Variants in HMMR observed in about 807,000 individuals in gnomAD.
The protein encoded by HMMR is hyaluronan mediated motility receptor.
A neutral mutation model predicts 101.0 loss-of-function variants in HMMR; 108 were observed. The ratio of observed to expected loss-of-function variants is 1.07; its 90% CI spans 0.92 to 1.25. The LOEUF (loss-of-function observed/expected upper bound fraction) is 1.25. Among genes scored for constraint, HMMR ranks in the 50% most tolerant of loss-of-function variants. HMMR has a pLI of 0.00. For synonymous variants in HMMR, 296 were observed against 276.4 expected (o/e 1.07, Z -0.70); for missense variants, 813 against 788.7 (o/e 1.03, Z -0.37).
At chr5:163,489,694 C>G (rs762301909) in intron 16 of HMMR, among the ~76,000 whole-genome samples, 8 of 152,144 alleles carry the variant, frequency 5.3e-5, no homozygotes, top group Non-Finnish European at 8.8e-5. Context: ...AGCCCCTGTT[C>G]CATGAATGGG....
intron 2 of HMMR, 94 bp from the exon 3 acceptor site, chr5:163,464,626 CAAA>C: frequency 1.2e-6 from 1 of 838,472 alleles, no homozygotes. Flanking sequence ...CAAAAACAAA[CAAA>C]AAGAGAAAGA....
chr5:163,479,226 T>A (rs1207503187), intron 12 of HMMR, among the ~76,000 whole-genome samples: 2 of 152,226 alleles, frequency 1.3e-5, no homozygotes, highest in East Asian at 1.9e-4. Context: ...TTTATACTCA[T>A]CCTATCTTCC....
intron 3 of HMMR, among the ~76,000 whole-genome samples, chr5:163,466,056 G>A (rs1006173360): frequency 1.3e-5 from 2 of 151,500 alleles, no homozygotes; most frequent in African/African-American, 2.4e-5. Context: ...TTGAGGTCAA[G>A]AGTTCGAGAC....
chr5:163,462,291 G>A (rs1252425019), intron 1 of HMMR, among the ~76,000 whole-genome samples: 1 of 151,300 alleles, frequency 6.6e-6, no homozygotes, highest in Non-Finnish European at 1.5e-5. Context: ...GATGCTTAAT[G>A]TGTATGAGGC....
intron 5 of HMMR, 61 bp downstream of exon 5, chr5:163,469,890 G>A (rs998803475): frequency 1.7e-5 from 20 of 1,180,320 alleles, no homozygotes; most frequent in African/African-American, 6.2e-5. Flanking sequence ...TTTTAGGGCC[G>A]GGCACGGTGG....
chr5:163,474,963 A>G (rs892458692), intron 10 of HMMR, among the ~76,000 whole-genome samples: 15 of 152,092 alleles, frequency 9.9e-5, no homozygotes, highest in Admixed American at 9.8e-4. Flanking sequence ...GAAGGCATAT[A>G]TATTCCAAAC....
chr5:163,475,010 G>T (rs761290118), intron 10 of HMMR, among the ~76,000 whole-genome samples: 16 of 152,120 alleles, frequency 1.1e-4, no homozygotes, highest in Non-Finnish European at 1.8e-4. Context: ...CTAAAATTAG[G>T]GGGGGAAGTC....
Position 163,473,564 on chromosome 5 carries a change from C to T in HMMR, c.904+7C>T. 6.5e-7 allele frequency: 1 copy of T among 1,535,516 alleles called. No individual in the cohort carries two copies. The highest frequency in any genetic ancestry group is 8.9e-7 in the Non-Finnish European group (1 of 1,129,196). On this transcript the variant is annotated splice_region_variant and intron_variant, in intron 9 of 17. Coordinates refer to ENST00000393915, the MANE Select transcript of HMMR (RefSeq NM_001142556.2). ...CTGCTTGAAAAAGAAAAAGGTATTA[C>T]AGTGTTTTATAGTTACTTTGTTTAG... is the stretch of plus-strand genomic sequence containing the variant.
intron 1 of HMMR, among the ~76,000 whole-genome samples, chr5:163,462,412 T>C (rs553473280): frequency 3.0e-4 from 46 of 151,400 alleles, no homozygotes; most frequent in African/African-American, 1.1e-3. Flanking sequence ...CAACCTAAGA[T>C]GTATTTTTAT....
intron 3 of HMMR, chr5:163,465,210 G>A (rs1758658548): frequency 5.7e-6 from 1 of 176,922 alleles, no homozygotes; most frequent in Non-Finnish European, 1.2e-5. Context: ...GTTTGCTACT[G>A]AGAAACTGTT....
chr5:163,469,509 C>T, intron 4 of HMMR, 132 bp from the exon 5 acceptor site: 1 of 686,612 alleles, frequency 1.5e-6, no homozygotes, highest in Non-Finnish European at 2.5e-6. Context: ...TAGCTAGTAA[C>T]ATTAGAATAT....
At chr5:163,471,797 G>C (rs947820794) in intron 7 of HMMR, among the ~76,000 whole-genome samples, 1 of 152,086 alleles carries the variant, frequency 6.6e-6, no homozygotes, top group Non-Finnish European at 1.5e-5. Context: ...CCTAGCCTTT[G>C]ATTTTGAGCT....
intron 12 of HMMR, among the ~76,000 whole-genome samples, chr5:163,481,119 T>C (rs1638600218): frequency 6.6e-6 from 1 of 152,070 alleles, no homozygotes; most frequent in Non-Finnish European, 1.5e-5. Context: ...TCATTTTTTG[T>C]TTTCCCTATG....
At chr5:163,475,260 G>C (rs896086466) in intron 10 of HMMR, among the ~76,000 whole-genome samples, 198 bp from the exon 11 acceptor site, 2 of 152,006 alleles carry the variant, frequency 1.3e-5, no homozygotes, top group African/African-American at 4.8e-5. Flanking sequence ...AAAAGCCTAA[G>C]ATGATATTTG....
In HMMR at chr5:163,473,410, C is replaced by G; in HGVS notation, c.757C>G (p.Leu253Val). The G allele has an allele frequency of 6.2e-7, 1 of 1,610,754 alleles. No homozygotes were observed. Among genetic ancestry groups the G allele is most frequent in the Non-Finnish European group, 8.5e-7 (1 of 1,178,366 alleles). Residue 253 changes from leucine to valine, a missense_variant, in exon 9 of 18, where the codon CTA becomes GTA. Transcript: ENST00000393915. ...TTCAGATCAAGTGGAAAAATACAAG[C>G]TAGATATTGCCCAGTTAGAAGAAAA... ...CASDQVEKYKLDIAQLEENLK... is the reference protein window; with the variant it reads ...CASDQVEKYKVDIAQLEENLK...
chr5:163,463,605 A>T (rs1220736555), intron 1 of HMMR, among the ~76,000 whole-genome samples: 1 of 152,194 alleles, frequency 6.6e-6, no homozygotes, highest in East Asian at 1.9e-4. Context: ...GTAATATATG[A>T]TGTTCATCTC....
chr5:163,470,676 T>C (rs776140017), intron 5 of HMMR, among the ~76,000 whole-genome samples: 1 of 151,766 alleles, frequency 6.6e-6, no homozygotes, highest in Non-Finnish European at 1.5e-5. Flanking sequence ...AACCAGCAAG[T>C]CACATTAAGG....
Position 163,483,333 on chromosome 5 carries a change from A to G in HMMR, c.1751A>G (p.Tyr584Cys), listed in dbSNP as rs1554097773. 7 of 1,603,894 alleles carry G rather than the reference A, an allele frequency of 4.4e-6. No individual in the cohort carries two copies. The highest frequency in any genetic ancestry group is 3.3e-5 in the South Asian group (3 of 90,492). Residue 584 changes from tyrosine to cysteine, a missense_variant, in exon 15 of 18, where the codon TAT (tyrosine) becomes TGT (cysteine). By Grantham distance (194) the Tyr-to-Cys change is radical (BLOSUM62 -2). Transcript: ENST00000393915. ...GAAATTAACAAGTGGCGTCTCCTCT[A>G]TGAAGAACTATATAATAAAACAAAA... The part of the protein sequence containing the change: ...TEEINKWRLL[Y>C]EELYNKTKPF...
chr5:163,468,079 C>G (rs192525876), intron 4 of HMMR, among the ~76,000 whole-genome samples: 35 of 152,316 alleles, frequency 2.3e-4, no homozygotes, highest in Admixed American at 1.6e-3. Flanking sequence ...TGTATGCTAA[C>G]TTATGTTAAC....
Sources: allele counts gnomAD v4.1 joint callset (sites outside exome capture counted in the v4.1 genomes callset), GRCh38; gene constraint gnomAD v4.1.1; transcripts MANE v1.5; gene names NCBI Gene and HGNC (gene_info 2026-07-23, HGNC 2026-07-21).